The following GRM8 variants were observed in gnomAD, a reference collection of about 807,000 sequenced individuals.
The protein encoded by GRM8 is metabotropic glutamate receptor 8.
Under a neutral mutation model 87.2 loss-of-function variants are expected in GRM8, and 47 were observed. The observed-to-expected ratio is 0.54, with a 90% CI of 0.43 to 0.69. The LOEUF is 0.69. Among genes scored for constraint, GRM8 ranks in the 30% least tolerant of loss-of-function variants. The pLI, the probability that GRM8 is intolerant of heterozygous loss-of-function variation, is 0.00. For synonymous variants in GRM8, 396 were observed against 404.5 expected, an observed-to-expected ratio of 0.98 and a Z score of 0.25; for missense variants, 1,019 against 1,139.2, an observed-to-expected ratio of 0.89 and a Z score of 1.52.
intron 3 of GRM8, among the ~76,000 whole-genome samples, chr7:126,922,183 A>G (rs185251573): frequency 6.6e-6 from 1 of 152,310 alleles, no homozygotes; most frequent in East Asian, 1.9e-4. Flanking sequence ...TTCAGGAAAA[A>G]CAAAATGTTT....
In GRM8 at chr7:126,849,361, A is replaced by G. The variant is rs115385202; in HGVS notation, c.1156+53181T>C. The stretch of plus-strand genomic sequence containing the variant: ...ATGATGTCTCAAAGGAGGGAATTTT[A>G]AAAGGGAAAAAAGAGGAACTGAGAA... On this transcript the variant is annotated intron_variant, in intron 6 of 10. Coordinates refer to ENST00000339582, the MANE Select transcript of GRM8 (RefSeq NM_000845.3). 5.1e-3 allele frequency among the ~76,000 whole-genome samples: 771 copies of G among 152,288 alleles called. 5 individuals carry two copies. The highest frequency in any genetic ancestry group is 0.018 in the African/African-American group (739 of 41,554).
At chr7:126,944,273 A>G (rs1343791732) in intron 3 of GRM8, among the ~76,000 whole-genome samples, 2 of 152,104 alleles carry the variant, frequency 1.3e-5, no homozygotes, top group Admixed American at 1.3e-4. Context: ...CTCAGAAGCC[A>G]TGAATAAATA....
chr7:126,559,465 A>G (rs1471572264), intron 8 of GRM8, among the ~76,000 whole-genome samples: 1 of 151,978 alleles, frequency 6.6e-6, no homozygotes, highest in Non-Finnish European at 1.5e-5. Context: ...ACGCCACCAC[A>G]CTGAGCCAGC....
intron 3 of GRM8, chr7:126,981,822 T>A (rs17865483): frequency 0.062 from 8,914 of 144,132 alleles, 863 homozygotes; most frequent in African/African-American, 0.22. Context: ...CCATGTCTCA[T>A]CTATCTTGTA....
chr7:127,002,616 T>C (rs977603366), intron 3 of GRM8, among the ~76,000 whole-genome samples: 3 of 151,622 alleles, frequency 2.0e-5, no homozygotes, highest in Non-Finnish European at 4.4e-5. Flanking sequence ...CTGGGAGTGA[T>C]AATAAGATTT....
At chr7:126,729,731 T>C (rs1476096022) in intron 7 of GRM8, among the ~76,000 whole-genome samples, 1 of 152,168 alleles carries the variant, frequency 6.6e-6, no homozygotes, top group Non-Finnish European at 1.5e-5. Flanking sequence ...TCATCTAAGA[T>C]CTCAGAGAGA....
chr7:126,802,804 G>A (rs1049963994), intron 6 of GRM8, among the ~76,000 whole-genome samples: 2 of 152,170 alleles, frequency 1.3e-5, no homozygotes, highest in African/African-American at 4.8e-5. Context: ...TTTTAAATTA[G>A]GAAAGAAAAA....
chr7:126,917,184 C>T (rs1803998315), intron 3 of GRM8, among the ~76,000 whole-genome samples: 3 of 152,030 alleles, frequency 2.0e-5, no homozygotes, highest in African/African-American at 4.8e-5. Flanking sequence ...GCTATGTTGG[C>T]CAGCTGGTCT....
chr7:126,711,942 G>A (rs985864993), intron 7 of GRM8, among the ~76,000 whole-genome samples: 17 of 152,192 alleles, frequency 1.1e-4, no homozygotes, highest in African/African-American at 4.1e-4. Context: ...CTATACAGAT[G>A]AATCAAAACT....
chr7:127,170,582 A>C (rs984737628), intron 2 of GRM8, among the ~76,000 whole-genome samples: 7 of 152,224 alleles, frequency 4.6e-5, no homozygotes, highest in African/African-American at 1.7e-4. Context: ...AAAAACATGG[A>C]ACCAGCCCAA....
chr7:127,250,392 C>G (rs955757284), intron 1 of GRM8, among the ~76,000 whole-genome samples: 8 of 152,178 alleles, frequency 5.3e-5, no homozygotes, highest in Admixed American at 4.6e-4. Flanking sequence ...TAGCACAATC[C>G]AAACAGAACA....
chr7:127,127,971 G>A (rs767408454), intron 2 of GRM8, among the ~76,000 whole-genome samples: 6 of 151,902 alleles, frequency 3.9e-5, no homozygotes, highest in African/African-American at 7.3e-5. Context: ...ATATCTCGGC[G>A]TCTTGACATA....
At chr7:126,917,582 T>C (rs1048324667) in intron 3 of GRM8, among the ~76,000 whole-genome samples, 2 of 152,196 alleles carry the variant, frequency 1.3e-5, no homozygotes, top group African/African-American at 4.8e-5. Context: ...CATTATAAAT[T>C]TATTTTTACA....
At chr7:126,964,448 CTT>C (rs1168965107) in intron 3 of GRM8, among the ~76,000 whole-genome samples, 1 of 152,154 alleles carries the variant, frequency 6.6e-6, no homozygotes, top group Admixed American at 6.5e-5. Context: ...CTACAAAGAA[CTT>C]AAACAAATTT....
At chr7:126,859,905 G>A (rs1798008762) in intron 6 of GRM8, among the ~76,000 whole-genome samples, 1 of 152,142 alleles carries the variant, frequency 6.6e-6, no homozygotes, top group Non-Finnish European at 1.5e-5. Context: ...TGGGAAGAGT[G>A]AAAGGAAGGA....
chr7:126,810,899 C>T (rs1311900804), intron 6 of GRM8, among the ~76,000 whole-genome samples: 1 of 152,086 alleles, frequency 6.6e-6, no homozygotes, highest in Non-Finnish European at 1.5e-5. Context: ...ACACTTGGCC[C>T]TCCACATCTG....
intron 2 of GRM8, among the ~76,000 whole-genome samples, chr7:127,241,225 A>G (rs1376141749): frequency 6.6e-6 from 1 of 152,204 alleles, no homozygotes; most frequent in Non-Finnish European, 1.5e-5. Context: ...AGGGGGTGTT[A>G]CAAAGAGGAT....
At chr7:127,214,704 T>A (rs1188818607) in intron 2 of GRM8, among the ~76,000 whole-genome samples, 2 of 152,198 alleles carry the variant, frequency 1.3e-5, no homozygotes, top group Non-Finnish European at 2.9e-5. Flanking sequence ...TCTGCCCCCA[T>A]GATCCAATTA....
intron 3 of GRM8, among the ~76,000 whole-genome samples, chr7:126,913,841 G>A (rs142617672): frequency 7.8e-4 from 119 of 152,318 alleles, no homozygotes; most frequent in African/African-American, 2.3e-3. Context: ...AGCTTAAAGT[G>A]TACTTTGCAA....
Sources: allele counts gnomAD v4.1 joint callset (sites outside exome capture counted in the v4.1 genomes callset), GRCh38; gene constraint gnomAD v4.1.1; transcripts MANE v1.5; gene names NCBI Gene and HGNC (gene_info 2026-07-23, HGNC 2026-07-21).